The following NBEAL1 variants were observed in gnomAD, a reference collection of about 807,000 sequenced individuals.
NBEAL1 encodes neurobeachin like 1.
In NBEAL1, 273 loss-of-function variants were observed where a neutral mutation model predicts 351.3. The ratio of observed to expected loss-of-function variants is 0.78; its 90% CI spans 0.70 to 0.86. NBEAL1 has a LOEUF of 0.86. Among genes scored for constraint, NBEAL1 ranks in the 40% least tolerant of loss-of-function variants. The pLI is 0.00. For missense variants in NBEAL1, 2,961 were observed against 3,201.3 expected (o/e 0.92, Z 1.81); for synonymous variants, 1,050 against 1,086.4 (o/e 0.97, Z 0.66).
At position 203,080,188 on chromosome 2, in the gene NBEAL1, T is replaced by A. The variant is rs1429290299; in HGVS notation, c.684+2351T>A. 6.6e-5 allele frequency among the ~76,000 whole-genome samples: 10 copies of A among 152,192 alleles called. No individual in the cohort carries two copies. The East Asian group carries it at 1.9e-3, about 29-fold the overall frequency. ...ACTTTGGGAGGCTGAGGTGGGTGGA[T>A]CATGAGGTCAGGAAATTGAGACCAT... On this transcript the variant is annotated intron_variant, in intron 8 of 55. Coordinates refer to ENST00000683969, the MANE Select transcript of NBEAL1 (RefSeq NM_001378026.1).
chr2:203,090,772 C>A (rs1164881994), intron 10 of NBEAL1, among the ~76,000 whole-genome samples: 1 of 152,086 alleles, frequency 6.6e-6, no homozygotes, highest in Non-Finnish European at 1.5e-5. Context: ...GCCTGTAATC[C>A]CAGCTACCTG....
intron 33 of NBEAL1, among the ~76,000 whole-genome samples, chr2:203,146,226 AT>A (rs916867090): frequency 3.2e-4 from 48 of 152,288 alleles, no homozygotes; most frequent in African/African-American, 9.6e-4. Flanking sequence ...TCCTATATTT[AT>A]TAAAGAAATA....
In NBEAL1 at chr2:203,136,222, T is replaced by C. The variant is rs1559394146; in HGVS notation, c.4359T>C (p.Ser1453=). 1 of 1,587,098 alleles carries C rather than the reference T, an allele frequency of 6.3e-7. No individual in the cohort carries two copies. Among genetic ancestry groups the C allele is most frequent in the Non-Finnish European group, 8.5e-7 (1 of 1,171,516 alleles). The part of the protein sequence containing the change: ...ESSITNDMGF[S]DDFSLLESQE... ...GCATCACAAATGATATGGGCTTTAG[T>C]GATGACTTCTCTTTACTTGAAAGCC... Residue 1453 remains serine, a synonymous_variant, in exon 28 of 56, where the codon AGT becomes AGC. Transcript: ENST00000683969.
In NBEAL1 at chr2:203,113,202, C is replaced by T. The variant is rs1291388918; in HGVS notation, c.2390C>T (p.Ala797Val). 2.6e-6 allele frequency: 4 copies of T among 1,549,400 alleles called. No individual in the cohort carries two copies. The Admixed American group carries it at 5.9e-5, about 23-fold the overall frequency. Residue 797 changes from alanine (A) to valine (V), a missense_variant, in exon 17 of 56, where the codon GCT becomes GTT. Coordinates refer to ENST00000683969, the MANE Select transcript of NBEAL1 (RefSeq NM_001378026.1). ...KSKLITKLISAGTQDSEWGCP... is the reference protein window; with the variant it reads ...KSKLITKLISVGTQDSEWGCP... ...AAATTGATTACCAAATTGATATCAGCTGGAACCCAAGACAGTGAATGGGGG... is the reference window on the plus strand; with the variant it reads ...AAATTGATTACCAAATTGATATCAGTTGGAACCCAAGACAGTGAATGGGGG...
chr2:203,145,797 CAAAAA>C (rs56382460), intron 33 of NBEAL1, among the ~76,000 whole-genome samples: 3 of 86,128 alleles, frequency 3.5e-5, no homozygotes, highest in Non-Finnish European at 6.8e-5. Context: ...GACTCCATCT[CAAAAA>C]AAAAAAAAAA....
intron 3 of NBEAL1, 106 bp downstream of exon 3, chr2:203,041,962 A>G (rs1020771858): frequency 5.5e-5 from 40 of 726,304 alleles, no homozygotes; most frequent in Non-Finnish European, 8.5e-5. Flanking sequence ...TACCCTCTTG[A>G]TACTCATGAA....
rs1195260223 is a variant in NBEAL1 at position 203,220,468 on chromosome 2, G to A, written c.*3114G>A. Among the ~76,000 whole-genome samples the A allele has an allele frequency of 4.0e-5, 6 of 151,542 alleles. No homozygotes were observed. The highest frequency in any genetic ancestry group is 8.8e-5 in the Non-Finnish European group (6 of 67,890). On this transcript the variant is annotated 3_prime_UTR_variant, in exon 56 of 56. Coordinates refer to ENST00000683969, the MANE Select transcript of NBEAL1 (RefSeq NM_001378026.1). ...CACTGCACTCCAGCCTGGGCAACAG[G>A]GCAAGACTCCATCTCAAAAAAAAAA... is the stretch of plus-strand genomic sequence containing the variant.
At chr2:203,074,591 G>C (rs1255427724) in intron 7 of NBEAL1, 1 of 152,152 alleles carries the variant, frequency 6.6e-6, no homozygotes, top group South Asian at 2.1e-4. Context: ...GCCTCCCAAA[G>C]TGCTAGGATT....
In NBEAL1 at chr2:203,172,974, G is replaced by A. The variant is rs1487476688; in HGVS notation, c.6323+121G>A. 5 of 658,508 alleles carry A rather than the reference G, an allele frequency of 7.6e-6. No individual in the cohort carries two copies. The East Asian group carries it at 1.3e-4, about 17-fold the overall frequency. The allele number at this position is 658,508 out of a possible 1,614,324, so 40.8% of individuals were successfully genotyped here. On this transcript the variant is annotated intron_variant, in intron 41 of 55. Coordinates refer to ENST00000683969, the MANE Select transcript of NBEAL1 (RefSeq NM_001378026.1). ...CGTACTACTACTTTTGATAATCAGAGTCTGATAATTACTTCACTAAGTTTT... is the reference window on the plus strand; with the variant it reads ...CGTACTACTACTTTTGATAATCAGAATCTGATAATTACTTCACTAAGTTTT...
chr2:203,037,429 G>A (rs1379924675), intron 2 of NBEAL1, among the ~76,000 whole-genome samples: 6 of 149,004 alleles, frequency 4.0e-5, no homozygotes, highest in African/African-American at 1.5e-4. Context: ...AAATTTCCAA[G>A]GGATCATAGT....
At chr2:203,188,683 A>G (rs960503131) in intron 45 of NBEAL1, 94 bp downstream of exon 45, 1 of 657,890 alleles carries the variant, frequency 1.5e-6, no homozygotes, top group Non-Finnish European at 2.5e-6. Flanking sequence ...TTAATATCAG[A>G]AAGACTACAT....
chr2:203,146,897 A>G (rs1211735529), intron 33 of NBEAL1, among the ~76,000 whole-genome samples: 1 of 152,216 alleles, frequency 6.6e-6, no homozygotes, highest in Non-Finnish European at 1.5e-5. Context: ...TAATATACTG[A>G]ACCGCATTAG....
Position 203,062,461 on chromosome 2 carries a change from T to A in NBEAL1, c.515+5008T>A. On this transcript the variant is annotated intron_variant, in intron 6 of 55. Coordinates refer to ENST00000683969, the MANE Select transcript of NBEAL1 (RefSeq NM_001378026.1). The surrounding 1 kb of genome is among the most constrained non-coding windows in gnomAD (Gnocchi z 4.2). ...CCAGGGATCTTGCAGGGCCTGCAGG[T>A]CACAGGCAACAGAGGCTGCCCCAGA... The A allele has an allele frequency of 5.6e-6, 2 of 358,728 alleles. No individual in the cohort carries two copies. The highest frequency in any genetic ancestry group is 5.4e-6 in the Non-Finnish European group (1 of 184,850). The allele number at this position is 358,728 out of a possible 1,614,324, so 22.2% of individuals were successfully genotyped here. A position where few individuals can be genotyped will look rare whatever the true frequency, so the allele number is the denominator to read the frequency against.
rs1286356028 is a variant in NBEAL1 at position 203,222,731 on chromosome 2, A to G, written c.*5377A>G. On this transcript the variant is annotated 3_prime_UTR_variant, in exon 56 of 56. Transcript: ENST00000683969. ...TTTAAAGAAGAAAAAAACATGACTA[A>G]CATGCTAAATTTAAAACATAAAAGT... is the stretch of plus-strand genomic sequence containing the variant. Among the ~76,000 whole-genome samples, 2 of 151,528 alleles carry G rather than the reference A, an allele frequency of 1.3e-5. No homozygotes were observed. Among genetic ancestry groups the G allele is most frequent in the Admixed American group, 1.3e-4 (2 of 15,124 alleles).
At chr2:203,206,066 AGTCTTCTG>A (rs2065545731) in intron 51 of NBEAL1, among the ~76,000 whole-genome samples, 1 of 152,234 alleles carries the variant, frequency 6.6e-6, no homozygotes, top group East Asian at 1.9e-4. Context: ...ATGAAGAAAG[AGTCTTCTG>A]GAAGATGACT....
intron 3 of NBEAL1, among the ~76,000 whole-genome samples, chr2:203,049,279 G>A (rs1221188947): frequency 6.6e-6 from 1 of 152,040 alleles, no homozygotes; most frequent in African/African-American, 2.4e-5. Context: ...GGCTGGTCTC[G>A]AGCTCCTAAC....
chr2:203,162,019 A>ATT lies in NBEAL1; in HGVS notation c.5715-4109_5715-4108dup, dbSNP rs780529337. Among the ~76,000 whole-genome samples the ATT allele has an allele frequency of 5.8e-3, 621 of 107,182 alleles. 7 individuals are homozygous for ATT. Among genetic ancestry groups the ATT allele is most frequent in the African/African-American group, 0.012 (340 of 28,048 alleles). The allele number at this position is 107,182 out of a possible 152,430, so 70.3% of individuals were successfully genotyped here. A position where few individuals can be genotyped will look rare whatever the true frequency, so the allele number is the denominator to read the frequency against. ...TTTTGTTTTGTTTTGATTTGATTTG[A>ATT]TTTTTTTTTTTTTTTTTTTTTTGAG... On this transcript the variant is annotated intron_variant, in intron 36 of 55. Transcript: ENST00000683969.
chr2:203,138,493 T>G, intron 30 of NBEAL1, 127 bp from the exon 31 acceptor site: 2 of 1,112,738 alleles, frequency 1.8e-6, no homozygotes, highest in South Asian at 3.4e-5. Context: ...TCTTTTGGCT[T>G]TTGTCAACTG....
chr2:203,138,491 C>A, intron 30 of NBEAL1, 129 bp from the exon 31 acceptor site: 2 of 1,093,522 alleles, frequency 1.8e-6, no homozygotes, highest in Non-Finnish European at 2.6e-6. Context: ...ATTCTTTTGG[C>A]TTTTGTCAAC....
Sources: allele counts gnomAD v4.1 joint callset (sites outside exome capture counted in the v4.1 genomes callset), GRCh38; gene constraint gnomAD v4.1.1; non-coding constraint Gnocchi (gnomAD v3.1); transcripts MANE v1.5; gene names NCBI Gene and HGNC (gene_info 2026-07-23, HGNC 2026-07-21).